The following SDK1 variants were observed in gnomAD, a reference collection of about 807,000 sequenced individuals.
SDK1 encodes the protein protein sidekick-1.
SDK1 carries 157 observed loss-of-function variants against 245.5 expected under a neutral mutation model. The observed-to-expected ratio is 0.64, with a 90% CI of 0.56 to 0.73. SDK1 has a LOEUF of 0.73. Ranked by LOEUF, SDK1 falls within the 30% of genes least tolerant of loss-of-function variation. The pLI, the probability that SDK1 is intolerant of heterozygous loss-of-function variation, is 0.00. For synonymous variants in SDK1, 1,647 were observed against 1,278.5 expected, an observed-to-expected ratio of 1.29 and a Z score of -6.15; for missense variants, 3,583 against 3,002.3, an observed-to-expected ratio of 1.19 and a Z score of -4.52.
intron 5 of SDK1, among the ~76,000 whole-genome samples, chr7:3,885,585 C>G (rs993355729): frequency 6.6e-6 from 1 of 152,184 alleles, no homozygotes; most frequent in Non-Finnish European, 1.5e-5. Context: ...GCCCTGCCTT[C>G]CTCCCTCTTG....
At chr7:3,376,776 C>A (rs1262577534) in intron 1 of SDK1, among the ~76,000 whole-genome samples, 1 of 152,118 alleles carries the variant, frequency 6.6e-6, no homozygotes, top group African/African-American at 2.4e-5. Context: ...ATCGGACACA[C>A]ACAGAAAGAT....
intron 5 of SDK1, among the ~76,000 whole-genome samples, chr7:3,945,264 C>G (rs1347451195): frequency 6.6e-6 from 1 of 152,150 alleles, no homozygotes; most frequent in Non-Finnish European, 1.5e-5. Context: ...TGGGATTTAG[C>G]GTCCCTTCGG....
chr7:3,631,222 C>T (rs1329486003), intron 2 of SDK1, among the ~76,000 whole-genome samples: 4 of 152,204 alleles, frequency 2.6e-5, no homozygotes, highest in Non-Finnish European at 5.9e-5. Context: ...ATGTGAGCCA[C>T]CACACTCAGC....
At chr7:4,020,166 T>A (rs1786771037) in intron 17 of SDK1, among the ~76,000 whole-genome samples, 1 of 152,116 alleles carries the variant, frequency 6.6e-6, no homozygotes, top group Non-Finnish European at 1.5e-5. Context: ...GGGACATGCT[T>A]GAGTCCCAGG....
intron 32 of SDK1, 65 bp downstream of exon 32, chr7:4,161,921 AC>A (rs1247395810): frequency 7.3e-7 from 1 of 1,370,014 alleles, no homozygotes; most frequent in African/African-American, 1.4e-5. Flanking sequence ...GCATTCAGCC[AC>A]AACGGCTGAC....
At chr7:3,783,506 C>A (rs577989520) in intron 4 of SDK1, among the ~76,000 whole-genome samples, 1 of 149,086 alleles carries the variant, frequency 6.7e-6, no homozygotes, top group African/African-American at 2.5e-5. Flanking sequence ...AACTAATAAA[C>A]GAATATATTA....
At chr7:3,629,224 C>T (rs939239465) in intron 2 of SDK1, among the ~76,000 whole-genome samples, 3 of 151,284 alleles carry the variant, frequency 2.0e-5, no homozygotes, top group African/African-American at 7.3e-5. Flanking sequence ...TGGTGTGAAC[C>T]CAGGAGGCAG....
chr7:3,358,377 AGTT>A (rs902230758), intron 1 of SDK1, among the ~76,000 whole-genome samples: 1 of 151,024 alleles, frequency 6.6e-6, no homozygotes, highest in Non-Finnish European at 1.5e-5. Flanking sequence ...TTTAATATGA[AGTT>A]GTTTTAATGA....
At chr7:3,818,800 C>A (rs543316755) in intron 4 of SDK1, among the ~76,000 whole-genome samples, 2 of 152,266 alleles carry the variant, frequency 1.3e-5, no homozygotes, top group African/African-American at 2.4e-5. Flanking sequence ...CAATTATCAG[C>A]TTCATGTGAA....
Position 3,866,515 on chromosome 7 carries a change from A to G in SDK1, c.847+44932A>G, listed in dbSNP as rs187023728. ...TTGTGTGTAGGGAAAGAAGGCCAGA[A>G]TAGCTGGGTTACAGCTCCCAAGGGG... On this transcript the variant is annotated intron_variant, in intron 5 of 44. Coordinates refer to ENST00000404826, the MANE Select transcript of SDK1 (RefSeq NM_152744.4). Among the ~76,000 whole-genome samples the G allele has an allele frequency of 2.4e-3, 361 of 151,796 alleles. 3 individuals are homozygous for G. The highest frequency in any genetic ancestry group is 2.7e-3 in the Non-Finnish European group (183 of 67,878).
At chr7:3,769,389 C>G (rs889051724) in intron 4 of SDK1, among the ~76,000 whole-genome samples, 1 of 152,092 alleles carries the variant, frequency 6.6e-6, no homozygotes, top group African/African-American at 2.4e-5. Context: ...CCTGGAACCT[C>G]AGGTCTCTCT....
chr7:3,346,721 G>T (rs117468445), intron 1 of SDK1, among the ~76,000 whole-genome samples: 1 of 104,944 alleles, frequency 9.5e-6, no homozygotes, highest in African/African-American at 4.1e-5. Context: ...GTGTATATAT[G>T]TATACATATA....
intron 5 of SDK1, among the ~76,000 whole-genome samples, chr7:3,882,117 T>C (rs1781223040): frequency 6.6e-6 from 1 of 152,164 alleles, no homozygotes; most frequent in Non-Finnish European, 1.5e-5. Flanking sequence ...GAAACTCCTA[T>C]AAAATCATCA....
chr7:4,079,415 C>T (rs760949350), intron 21 of SDK1, 48 bp from the exon 22 acceptor site: 1 of 1,606,494 alleles, frequency 6.2e-7, no homozygotes, highest in Non-Finnish European at 8.5e-7. Context: ...CTTTCCTAAG[C>T]TGTGACGGAC....
intron 5 of SDK1, among the ~76,000 whole-genome samples, chr7:3,924,495 G>C (rs1779701727): frequency 6.6e-6 from 1 of 152,136 alleles, no homozygotes; most frequent in Non-Finnish European, 1.5e-5. Context: ...AGCTGTCCTG[G>C]TCACATGCAC....
At chr7:4,116,096 C>T (rs1584188502) in intron 25 of SDK1, among the ~76,000 whole-genome samples, 1 of 152,252 alleles carries the variant, frequency 6.6e-6, no homozygotes, top group South Asian at 2.1e-4. Context: ...GCTCCCGGGC[C>T]TGGCCTGTCT....
At chr7:3,610,062 T>C (rs1484111106) in intron 1 of SDK1, among the ~76,000 whole-genome samples, 1 of 152,228 alleles carries the variant, frequency 6.6e-6, no homozygotes, top group Non-Finnish European at 1.5e-5. Flanking sequence ...TCACATATTA[T>C]TACTTCTTGA....
chr7:4,043,272 C>T (rs1480536440), intron 17 of SDK1, among the ~76,000 whole-genome samples: 81 of 101,526 alleles, frequency 8.0e-4, no homozygotes, highest in Middle Eastern at 0.01. Context: ...AGCCAGGGGC[C>T]CAGGTAGAGT....
chr7:4,096,736 C>T (rs1782171525), intron 22 of SDK1, among the ~76,000 whole-genome samples: 5 of 151,948 alleles, frequency 3.3e-5, no homozygotes, highest in Admixed American at 3.3e-4. Context: ...GGGCCCTGTC[C>T]TAGAAAATAC....
Sources: allele counts gnomAD v4.1 joint callset (sites outside exome capture counted in the v4.1 genomes callset), GRCh38; gene constraint gnomAD v4.1.1; transcripts MANE v1.5; gene names NCBI Gene and HGNC (gene_info 2026-07-23, HGNC 2026-07-21).